The following ASTN2 variants were observed in gnomAD, a reference collection of about 807,000 sequenced individuals.
ASTN2 encodes astrotactin 2, also known as astrotactin-2.
Under a neutral mutation model 139.8 loss-of-function variants are expected in ASTN2, and 54 were observed. The ratio of observed to expected loss-of-function variants is 0.39; its 90% CI spans 0.31 to 0.48. ASTN2 has a LOEUF of 0.48. Among genes scored for constraint, ASTN2 ranks in the 20% least tolerant of loss-of-function variants. ASTN2 has a pLI of 0.95. For missense variants in ASTN2, 1,565 were observed against 1,725.1 expected, an observed-to-expected ratio of 0.91 and a Z score of 1.64; for synonymous variants, 756 against 719.5, an observed-to-expected ratio of 1.05 and a Z score of -0.81.
intron 3 of ASTN2, among the ~76,000 whole-genome samples, chr9:117,162,807 C>T (rs1308518610): frequency 6.6e-6 from 1 of 151,982 alleles, no homozygotes; most frequent in Non-Finnish European, 1.5e-5. Flanking sequence ...AATAAGGATG[C>T]CTGGAGGGGT....
intron 13 of ASTN2, among the ~76,000 whole-genome samples, chr9:116,798,852 G>A (rs912274903): frequency 1.3e-5 from 2 of 152,124 alleles, no homozygotes; most frequent in Non-Finnish European, 2.9e-5. Flanking sequence ...GAGGCAGGTG[G>A]TATGACCAAC....
At chr9:116,429,287 C>T (rs1364958554) in intron 22 of ASTN2, among the ~76,000 whole-genome samples, 1 of 133,774 alleles carries the variant, frequency 7.5e-6, no homozygotes, top group East Asian at 2.2e-4. Flanking sequence ...TGCAGTGAGC[C>T]AAGATCGTGC....
chr9:117,331,420 AG>A (rs751025504), intron 1 of ASTN2, among the ~76,000 whole-genome samples: 3 of 152,154 alleles, frequency 2.0e-5, no homozygotes, highest in Non-Finnish European at 2.9e-5. Context: ...GATAGAAAGA[AG>A]GGCTTTGGAG....
At chr9:117,066,286 G>A (rs1185897519) in intron 5 of ASTN2, among the ~76,000 whole-genome samples, 2 of 144,882 alleles carry the variant, frequency 1.4e-5, no homozygotes, top group Non-Finnish European at 3.0e-5. Flanking sequence ...TTTTGTTCTT[G>A]TGATAGTTTA....
chr9:116,648,005 CTTT>C (rs71377260), intron 17 of ASTN2, among the ~76,000 whole-genome samples: 2 of 141,006 alleles, frequency 1.4e-5, no homozygotes. Flanking sequence ...TTTTTCTTTT[CTTT>C]TTTTTTTTTT....
At chr9:117,383,120 C>A (rs542436631) in intron 1 of ASTN2, among the ~76,000 whole-genome samples, 1 of 152,288 alleles carries the variant, frequency 6.6e-6, no homozygotes, top group Non-Finnish European at 1.5e-5. Context: ...AACACTGAAT[C>A]TGAAATTTCT....
At chr9:116,889,877 G>T (rs1237977554) in intron 10 of ASTN2, among the ~76,000 whole-genome samples, 1 of 152,044 alleles carries the variant, frequency 6.6e-6, no homozygotes, top group Non-Finnish European at 1.5e-5. Flanking sequence ...GCTGCAGTGA[G>T]CTATAATCTT....
chr9:116,500,244 T>A (rs754693583), intron 19 of ASTN2, among the ~76,000 whole-genome samples: 1 of 152,178 alleles, frequency 6.6e-6, no homozygotes, highest in African/African-American at 2.4e-5. Flanking sequence ...TAGTTTACAA[T>A]GTATGCCTCC....
intron 2 of ASTN2, among the ~76,000 whole-genome samples, chr9:117,259,779 C>A (rs150396780): frequency 6.6e-6 from 1 of 152,140 alleles, no homozygotes; most frequent in East Asian, 1.9e-4. Context: ...ACCCTGACCA[C>A]TTCGGACACC....
intron 1 of ASTN2, among the ~76,000 whole-genome samples, chr9:117,321,739 T>C (rs982520192): frequency 6.6e-6 from 1 of 152,150 alleles, no homozygotes; most frequent in African/African-American, 2.4e-5. Context: ...CTTCTCAACA[T>C]TGGAACTATT....
At chr9:116,791,527 T>A (rs1045580661) in intron 13 of ASTN2, among the ~76,000 whole-genome samples, 1 of 152,120 alleles carries the variant, frequency 6.6e-6, no homozygotes, top group Non-Finnish European at 1.5e-5. Flanking sequence ...GTAAACAAGA[T>A]CATGGGGGAA....
chr9:116,475,940 A>T (rs1848966438), intron 20 of ASTN2, among the ~76,000 whole-genome samples: 1 of 152,154 alleles, frequency 6.6e-6, no homozygotes, highest in Admixed American at 6.5e-5. Context: ...GCCTGCTCAC[A>T]GTCTGTCCTC....
intron 10 of ASTN2, among the ~76,000 whole-genome samples, chr9:116,911,165 A>C (rs1834299548): frequency 6.6e-6 from 1 of 152,208 alleles, no homozygotes; most frequent in Non-Finnish European, 1.5e-5. Context: ...GATCCATCCC[A>C]CGAAATAATG....
At chr9:116,549,910 C>A (rs1852268886) in intron 19 of ASTN2, among the ~76,000 whole-genome samples, 1 of 141,862 alleles carries the variant, frequency 7.0e-6, no homozygotes, top group African/African-American at 2.7e-5. Context: ...ATGGCAAAAA[C>A]CACAATTACC....
At chr9:116,745,761 A>C (rs1211822008) in intron 13 of ASTN2, among the ~76,000 whole-genome samples, 1 of 152,180 alleles carries the variant, frequency 6.6e-6, no homozygotes, top group African/African-American at 2.4e-5. Context: ...CAATTCATTT[A>C]CTATCTTGCA....
At chr9:116,841,260 G>A (rs1004032413) in intron 11 of ASTN2, among the ~76,000 whole-genome samples, 2 of 152,084 alleles carry the variant, frequency 1.3e-5, no homozygotes, top group Non-Finnish European at 2.9e-5. Context: ...ACCTGCAATC[G>A]CAGGCACTCG....
intron 11 of ASTN2, among the ~76,000 whole-genome samples, chr9:116,838,298 G>A (rs996026121): frequency 6.6e-5 from 10 of 151,712 alleles, no homozygotes; most frequent in African/African-American, 1.9e-4. Context: ...TAGTAGAGGC[G>A]GGGGTTTCTC....
intron 19 of ASTN2, among the ~76,000 whole-genome samples, chr9:116,553,411 T>C (rs1457379759): frequency 6.6e-6 from 1 of 152,168 alleles, no homozygotes; most frequent in Non-Finnish European, 1.5e-5. Context: ...ACTTTTCTCT[T>C]CTGAACTTCA....
intron 7 of ASTN2, among the ~76,000 whole-genome samples, chr9:116,992,610 C>A (rs1836890883): frequency 6.6e-6 from 1 of 152,182 alleles, no homozygotes; most frequent in Admixed American, 6.5e-5. Context: ...ACTTGTATCA[C>A]ATACCTGCTT....
Sources: gnomAD v4.1 joint callset for allele counts (sites outside exome capture counted in the v4.1 genomes callset) on GRCh38, gnomAD v4.1.1 for gene constraint, MANE v1.5 for transcripts, NCBI Gene and HGNC (gene_info 2026-07-23, HGNC 2026-07-21) for gene names.